PLCH1: variants seen among roughly 807,000 people sequenced by gnomAD.
PLCH1 encodes 1-phosphatidylinositol 4,5-bisphosphate phosphodiesterase eta-1.
Under a neutral mutation model 126.7 loss-of-function variants are expected in PLCH1, and 60 were observed. The observed-to-expected ratio is 0.47, with a 90% CI of 0.38 to 0.59. The LOEUF is 0.59. Ranked by LOEUF, PLCH1 falls within the 20% of genes least tolerant of loss-of-function variation. The pLI, the probability that PLCH1 is intolerant of heterozygous loss-of-function variation, is 0.00. For synonymous variants in PLCH1, 719 were observed against 734.9 expected, an observed-to-expected ratio of 0.98 and a Z score of 0.35; for missense variants, 1,723 against 2,040.0, an observed-to-expected ratio of 0.84 and a Z score of 2.99.
At chr3:155,661,241 A>G (rs1213584796) in intron 2 of PLCH1, among the ~76,000 whole-genome samples, 1 of 152,318 alleles carries the variant, frequency 6.6e-6, no homozygotes, top group Non-Finnish European at 1.5e-5. Context: ...CTCAGACCAG[A>G]GAGATAGAGA....
At chr3:155,739,430 A>C (rs1208077059) in intron 1 of PLCH1, among the ~76,000 whole-genome samples, 1 of 152,198 alleles carries the variant, frequency 6.6e-6, no homozygotes, top group Admixed American at 6.5e-5. Context: ...AAATCTCTAC[A>C]GCACATAACC....
intron 2 of PLCH1, among the ~76,000 whole-genome samples, chr3:155,679,993 GT>G (rs1247471214): frequency 1.3e-5 from 2 of 152,054 alleles, no homozygotes; most frequent in Non-Finnish European, 2.9e-5. Flanking sequence ...AATTCCTCAT[GT>G]TTTTTTCCCA....
chr3:155,467,538 C>A (rs1314477481), intron 21 of PLCH1, among the ~76,000 whole-genome samples: 5 of 150,948 alleles, frequency 3.3e-5, no homozygotes, highest in African/African-American at 9.8e-5. Context: ...CATGCCATTG[C>A]ACTCCAGCAT....
intron 21 of PLCH1, among the ~76,000 whole-genome samples, chr3:155,471,416 G>A (rs1576768241): frequency 1.3e-5 from 2 of 150,830 alleles, no homozygotes; most frequent in East Asian, 3.9e-4. Context: ...GGAGCACCCA[G>A]ATTCATAAAG....
At chr3:155,606,598 G>T (rs780813493) in intron 2 of PLCH1, among the ~76,000 whole-genome samples, 2 of 152,150 alleles carry the variant, frequency 1.3e-5, no homozygotes, top group Non-Finnish European at 2.9e-5. Flanking sequence ...CACTCTAAGT[G>T]GCAGTTGCTT....
At chr3:155,659,341 T>C (rs1577262253) in intron 2 of PLCH1, among the ~76,000 whole-genome samples, 2 of 115,610 alleles carry the variant, frequency 1.7e-5, no homozygotes, top group South Asian at 3.5e-4. Context: ...TTTTTTTTTT[T>C]TTCCGAGATA....
At position 155,740,698 on chromosome 3, in the gene PLCH1, C is replaced by T. The variant is rs146582158; in HGVS notation, c.-41+4142G>A. Among the ~76,000 whole-genome samples the T allele has an allele frequency of 2.2e-3, 336 of 152,190 alleles. 2 individuals are homozygous for T. The highest frequency in any genetic ancestry group is 7.9e-3 in the African/African-American group (326 of 41,526). On this transcript the variant is annotated intron_variant, in intron 1 of 22. Coordinates refer to ENST00000460012, the MANE Select transcript of PLCH1 (RefSeq NM_014996.4). Reference sequence around the variant, plus strand: ...AGACCTCATGTCTAAAATTAAAAATCGTATTTAAAAAATAAAGCAAGGATT... The same window carrying T: ...AGACCTCATGTCTAAAATTAAAAATTGTATTTAAAAAATAAAGCAAGGATT...
At chr3:155,673,555 A>G (rs1743761009) in intron 2 of PLCH1, among the ~76,000 whole-genome samples, 1 of 152,190 alleles carries the variant, frequency 6.6e-6, no homozygotes, top group African/African-American at 2.4e-5. Context: ...GCAACTTCTA[A>G]AAGAAAAAAA....
At chr3:155,659,546 C>T (rs186267317) in intron 2 of PLCH1, among the ~76,000 whole-genome samples, 2 of 151,882 alleles carry the variant, frequency 1.3e-5, no homozygotes, top group African/African-American at 2.4e-5. Flanking sequence ...GTTGCCCAGG[C>T]TGGAGTGCAG....
chr3:155,496,825 G>A (rs1015165850), intron 15 of PLCH1, among the ~76,000 whole-genome samples: 1 of 152,196 alleles, frequency 6.6e-6, no homozygotes, highest in African/African-American at 2.4e-5. Context: ...CGGAGAGAAT[G>A]CTACTGAGAT....
chr3:155,530,815 C>T (rs1489275643), intron 10 of PLCH1, among the ~76,000 whole-genome samples: 2 of 152,166 alleles, frequency 1.3e-5, no homozygotes, highest in Non-Finnish European at 2.9e-5. Flanking sequence ...AAAGGAATCA[C>T]TATTTATGGC....
At chr3:155,536,676 T>C (rs565108526) in intron 10 of PLCH1, among the ~76,000 whole-genome samples, 1 of 152,208 alleles carries the variant, frequency 6.6e-6, no homozygotes, top group African/African-American at 2.4e-5. Flanking sequence ...TTTGGGATTA[T>C]GTTAAATGAA....
rs79335044 is a variant in PLCH1, at chr3:155,656,999, TAG to T, written c.79+47145_79+47146del. ...TGCATGCAATAACACAGTAACCAGC[TAG>T]AAAATATAATGGGAGAGAAGATTCT... On this transcript the variant is annotated intron_variant, in intron 2 of 22. Transcript: ENST00000460012. Among the ~76,000 whole-genome samples the T allele has an allele frequency of 7.3e-3, 1,048 of 143,892 alleles. 35 individuals carry two copies. The East Asian group carries it at 0.095, about 13-fold the overall frequency. 94.4% of individuals were successfully genotyped at this position (143,892 alleles called of 152,430 possible).
intron 19 of PLCH1, 114 bp from the exon 20 acceptor site, chr3:155,488,920 C>T: frequency 1.1e-6 from 1 of 873,304 alleles, no homozygotes; most frequent in Non-Finnish European, 1.7e-6. Flanking sequence ...TTATTAAACT[C>T]ATGAAGACAA....
chr3:155,607,584 G>A (rs1198640116), intron 2 of PLCH1, among the ~76,000 whole-genome samples: 2 of 151,924 alleles, frequency 1.3e-5, no homozygotes, highest in South Asian at 2.1e-4. Flanking sequence ...GGGAGTAGAG[G>A]TGCATGCCAC....
chr3:155,612,260 T>G (rs1321071441), intron 2 of PLCH1, among the ~76,000 whole-genome samples: 1 of 143,268 alleles, frequency 7.0e-6, no homozygotes, highest in African/African-American at 2.6e-5. Flanking sequence ...ACCTGGGAGG[T>G]GGAAGTTGCA....
chr3:155,588,916 C>T lies in PLCH1; in HGVS notation c.471-2722G>A, dbSNP rs147720877. 5.0e-3 allele frequency among the ~76,000 whole-genome samples: 767 copies of T among 152,220 alleles called. 8 individuals carry two copies. Among genetic ancestry groups the T allele is most frequent in the African/African-American group, 0.018 (731 of 41,554 alleles). On this transcript the variant is annotated intron_variant, in intron 4 of 22. Transcript: ENST00000460012. ...CTCTAAGATTCCATAAATGAAAAAA[C>T]CATTCTTTCCAGTAACGGTCCACAT...
chr3:155,625,730 C>T (rs1737157902), intron 2 of PLCH1, among the ~76,000 whole-genome samples: 1 of 152,194 alleles, frequency 6.6e-6, no homozygotes, highest in South Asian at 2.1e-4. Context: ...CAGGAAACAA[C>T]AGATGCTGGA....
At chr3:155,673,558 G>GA (rs1239096788) in intron 2 of PLCH1, among the ~76,000 whole-genome samples, 3 of 152,020 alleles carry the variant, frequency 2.0e-5, no homozygotes, top group African/African-American at 7.2e-5. Context: ...ACTTCTAAAA[G>GA]AAAAAAATCT....
Sources: allele counts gnomAD v4.1 joint callset (sites outside exome capture counted in the v4.1 genomes callset), GRCh38; gene constraint gnomAD v4.1.1; transcripts MANE v1.5; gene names NCBI Gene and HGNC (gene_info 2026-07-23, HGNC 2026-07-21).